The following ADCY1 variants were observed in gnomAD, a reference collection of about 807,000 sequenced individuals.
ADCY1 encodes adenylate cyclase type 1.
Under a neutral mutation model 105.4 loss-of-function variants are expected in ADCY1, and 28 were observed. The ratio of observed to expected loss-of-function variants is 0.27; its 90% CI spans 0.20 to 0.36. The LOEUF is 0.36. ADCY1 is among the 10% of genes least tolerant of loss of function. ADCY1 has a pLI of 1.00. For synonymous variants in ADCY1, 655 were observed against 623.8 expected, an observed-to-expected ratio of 1.05 and a Z score of -0.75; for missense variants, 977 against 1,434.2, an observed-to-expected ratio of 0.68 and a Z score of 5.15.
chr7:45,638,476 T>C (rs561201918), intron 4 of ADCY1, among the ~76,000 whole-genome samples: 26 of 143,274 alleles, frequency 1.8e-4, no homozygotes, highest in African/African-American at 3.8e-4. Flanking sequence ...TGACCCAGTT[T>C]GCTCCTTTTT....
chr7:45,630,021 A>G (rs1028075996), intron 4 of ADCY1, among the ~76,000 whole-genome samples: 2 of 152,180 alleles, frequency 1.3e-5, no homozygotes, highest in East Asian at 3.9e-4. Flanking sequence ...TTTAATAGCT[A>G]ATGTGGTTGA....
intron 3 of ADCY1, among the ~76,000 whole-genome samples, chr7:45,618,412 A>G (rs957008956): frequency 1.3e-5 from 2 of 152,238 alleles, no homozygotes; most frequent in South Asian, 2.1e-4. Flanking sequence ...TGCACAACAA[A>G]GGAAACAATC....
intron 14 of ADCY1, among the ~76,000 whole-genome samples, chr7:45,691,611 CATTT>C (rs1784788335): frequency 6.6e-6 from 1 of 152,212 alleles, no homozygotes; most frequent in African/African-American, 2.4e-5. Context: ...GTTCCAGTGT[CATTT>C]CTTTCTTTGC....
At chr7:45,604,703 C>G (rs958329403) in intron 2 of ADCY1, among the ~76,000 whole-genome samples, 4 of 152,190 alleles carry the variant, frequency 2.6e-5, no homozygotes, top group African/African-American at 4.8e-5. Flanking sequence ...CAACCCACGT[C>G]ACACTGTCTG....
chr7:45,704,503 A>G lies in ADCY1; in HGVS notation c.2719-15A>G, dbSNP rs1418711831. On this transcript the variant is annotated splice_polypyrimidine_tract_variant and intron_variant, in intron 16 of 19. Transcript: ENST00000297323. The stretch of plus-strand genomic sequence containing the variant: ...ATGTTATGTCATGTTTAACAGTTTT[A>G]TGTTTTAAACAAAGCTCATGGAAAA... The G allele has an allele frequency of 1.9e-6, 3 of 1,611,306 alleles. No individual in the cohort carries two copies. Among genetic ancestry groups the G allele is most frequent in the African/African-American group, 1.3e-5 (1 of 74,852 alleles).
chr7:45,608,474 G>A (rs1793440714), intron 2 of ADCY1, among the ~76,000 whole-genome samples: 1 of 152,230 alleles, frequency 6.6e-6, no homozygotes, highest in South Asian at 2.1e-4. Flanking sequence ...GGCCAGCAGT[G>A]GAGCAGGGCT....
chr7:45,658,019 TC>T, intron 6 of ADCY1, 134 bp downstream of exon 6: 2 of 1,064,266 alleles, frequency 1.9e-6, no homozygotes, highest in Non-Finnish European at 2.7e-6. Flanking sequence ...AGCCTGCCTG[TC>T]CCAGCCGCAC....
intron 1 of ADCY1, among the ~76,000 whole-genome samples, chr7:45,588,598 G>T (rs1388535130): frequency 6.6e-6 from 1 of 151,674 alleles, no homozygotes; most frequent in African/African-American, 2.4e-5. Flanking sequence ...GTGAGGGGCT[G>T]GCCCTGGTGA....
At chr7:45,577,482 G>A (rs1407113103) in intron 1 of ADCY1, among the ~76,000 whole-genome samples, 2 of 152,156 alleles carry the variant, frequency 1.3e-5, no homozygotes, top group Admixed American at 6.5e-5. Context: ...TGCTTGAGAT[G>A]GTGAAGAAGA....
intron 2 of ADCY1, among the ~76,000 whole-genome samples, chr7:45,595,002 C>G (rs1031171847): frequency 2.6e-5 from 4 of 152,062 alleles, no homozygotes; most frequent in Admixed American, 2.6e-4. Context: ...CTTATTCTTC[C>G]CCTTAATGCA....
intron 4 of ADCY1, among the ~76,000 whole-genome samples, chr7:45,636,458 C>T (rs1049414587): frequency 3.9e-5 from 6 of 152,176 alleles, no homozygotes; most frequent in African/African-American, 7.2e-5. Flanking sequence ...CTGTCATCTG[C>T]AGTTGGTTGG....
intron 17 of ADCY1, among the ~76,000 whole-genome samples, chr7:45,706,182 C>T (rs895212620): frequency 1.3e-5 from 2 of 152,068 alleles, no homozygotes; most frequent in African/African-American, 2.4e-5. Context: ...TATTCTGTGT[C>T]GTTGACAAAA....
intron 8 of ADCY1, among the ~76,000 whole-genome samples, chr7:45,671,086 C>A (rs1258524841): frequency 6.6e-6 from 1 of 152,242 alleles, no homozygotes; most frequent in Non-Finnish European, 1.5e-5. Flanking sequence ...CTGGCAAGGA[C>A]TCTGAGCATG....
Position 45,649,757 on chromosome 7 carries a change from G to A in ADCY1, c.1148+960G>A, listed in dbSNP as rs182275897. Among the ~76,000 whole-genome samples the A allele has an allele frequency of 5.8e-4, 89 of 152,304 alleles. 2 individuals are homozygous for A. Among genetic ancestry groups the A allele is most frequent in the African/African-American group, 2.0e-3 (84 of 41,548 alleles). Reference sequence around the variant, plus strand: ...TGCCCACTTCTGGCACCTGTGTGTCGGACACATGAGCAAAGCCGAGCCCTG... The same window carrying A: ...TGCCCACTTCTGGCACCTGTGTGTCAGACACATGAGCAAAGCCGAGCCCTG... On this transcript the variant is annotated intron_variant, in intron 5 of 19. Transcript: ENST00000297323.
chr7:45,625,996 G>T (rs139081948), intron 4 of ADCY1, among the ~76,000 whole-genome samples: 4,289 of 152,310 alleles, frequency 0.028, 82 homozygotes, highest in Middle Eastern at 0.048. Context: ...GGAGATTGAG[G>T]GTCAGGGAGA....
At position 45,713,886 on chromosome 7, in the gene ADCY1, G is replaced by A. The variant is rs140643542; in HGVS notation, c.3251G>A (p.Gly1084Asp). Residue 1084 changes from glycine (G) to aspartate (D), a missense_variant, in exon 20 of 20, where the codon GGC (glycine) becomes GAC (aspartate). Around this residue, in one of 7 missense-constraint regions of ADCY1, gnomAD observed 78 missense variants for 60.0 expected, o/e 1.30. Coordinates refer to ENST00000297323, the MANE Select transcript of ADCY1 (RefSeq NM_021116.4). ...CCATTTGGGAGAGCTGGCCTTCAGG[G>A]CAGACGTCCCCCCGTGTGCCCCATG... The part of the protein sequence containing the change: ...MCPFGRAGLQ[G>D]RRPPVCPMPG... 38 of 780,582 alleles carry A rather than the reference G, an allele frequency of 4.9e-5. No homozygotes were observed. In the African/African-American group the frequency reaches 6.4e-4, roughly 13 times the overall value. The allele number at this position is 780,582 out of a possible 1,614,324, so 48.4% of individuals were successfully genotyped here.
chr7:45,656,074 T>A (rs1450383374), intron 5 of ADCY1, among the ~76,000 whole-genome samples: 1 of 151,488 alleles, frequency 6.6e-6, no homozygotes, highest in Non-Finnish European at 1.5e-5. Flanking sequence ...GATCACGAGG[T>A]CAGGAGATTG....
In ADCY1 at chr7:45,718,629, A is replaced by G. The variant is rs1302771041; in HGVS notation, c.*4634A>G. On this transcript the variant is annotated 3_prime_UTR_variant, in exon 20 of 20. Transcript: ENST00000297323. Reference sequence around the variant, plus strand: ...TGCAGGCAGGTGTCCGTAGTTGGCAAAAATGGGCAGTAGGGGAAATGGAGT... The same window carrying G: ...TGCAGGCAGGTGTCCGTAGTTGGCAGAAATGGGCAGTAGGGGAAATGGAGT... 1 of 152,446 alleles carries G rather than the reference A, an allele frequency of 6.6e-6. No individual in the cohort carries two copies. Among genetic ancestry groups the G allele is most frequent in the Non-Finnish European group, 1.5e-5 (1 of 68,222 alleles). 9.4% of individuals were successfully genotyped at this position (152,446 alleles called of 1,614,324 possible).
At position 45,632,013 on chromosome 7, in the gene ADCY1, A is replaced by AT. The variant is rs561486999; in HGVS notation, c.1020+9279dup. Reference sequence around the variant, plus strand: ...GTTTCGAGGTATGGGTCAAAGCTGGATTTTTTTTTGTTGTTATCTTGATAT... The same window carrying AT: ...GTTTCGAGGTATGGGTCAAAGCTGGATTTTTTTTTTGTTGTTATCTTGATAT... On this transcript the variant is annotated intron_variant, in intron 4 of 19. Transcript: ENST00000297323. 4.8e-4 allele frequency among the ~76,000 whole-genome samples: 73 copies of AT among 151,748 alleles called. 1 individual carries two copies. The highest frequency in any genetic ancestry group is 1.2e-3 in the Admixed American group (19 of 15,238).
Sources: allele counts gnomAD v4.1 joint callset (sites outside exome capture counted in the v4.1 genomes callset), GRCh38; gene constraint gnomAD v4.1.1; regional missense constraint gnomAD v4.1.1; transcripts MANE v1.5; gene names NCBI Gene and HGNC (gene_info 2026-07-23, HGNC 2026-07-21).